The following CRYM variants were observed in gnomAD, a reference collection of about 807,000 sequenced individuals.
The protein encoded by CRYM is ketimine reductase mu-crystallin.
In CRYM, 18 loss-of-function variants were observed where a neutral mutation model predicts 32.9. The ratio of observed to expected loss-of-function variants is 0.55; its 90% CI spans 0.38 to 0.81. CRYM has a LOEUF of 0.81. CRYM is among the 30% of genes least tolerant of loss of function. The pLI is 0.00. For missense variants in CRYM, 337 were observed against 393.5 expected, an observed-to-expected ratio of 0.86 and a Z score of 1.21; for synonymous variants, 153 against 152.4, an observed-to-expected ratio of 1.00 and a Z score of -0.03.
chr16:21,258,675 A>G lies in CRYM; in HGVS notation c.*106T>C, dbSNP rs1171604068. On this transcript the variant is annotated 3_prime_UTR_variant, in exon 8 of 8. Coordinates refer to ENST00000572914, the MANE Select transcript of CRYM (RefSeq NM_001376256.1). ...ATTTAAGGTAAAACATGATAAGCAC[A>G]AAAGGAGAGTTCACTGGGGACTGGA... 9.2e-6 allele frequency: 9 copies of G among 979,692 alleles called. No homozygotes were observed. The highest frequency in any genetic ancestry group is 1.7e-5 in the Admixed American group (1 of 58,556). 60.7% of individuals were successfully genotyped at this position (979,692 alleles called of 1,614,324 possible). A position where few individuals can be genotyped will look rare whatever the true frequency, so the allele number is the denominator to read the frequency against.
Position 21,262,027 on chromosome 16 carries a change from A to C in CRYM, c.795+10T>G. 1 of 1,613,734 alleles carries C rather than the reference A, an allele frequency of 6.2e-7. No homozygotes were observed. Among genetic ancestry groups the C allele is most frequent in the Non-Finnish European group, 8.5e-7 (1 of 1,179,756 alleles). ...GGTGGCAGCCCTGACTGGGGTCAGAAGGGCCTCACCCCTGACAGCAGGACA... is the reference window on the plus strand; with the variant it reads ...GGTGGCAGCCCTGACTGGGGTCAGACGGGCCTCACCCCTGACAGCAGGACA... On this transcript the variant is annotated intron_variant, in intron 6 of 7. Transcript: ENST00000572914.
chr16:21,263,627 C>G (rs949908212), intron 5 of CRYM, among the ~76,000 whole-genome samples: 1 of 152,198 alleles, frequency 6.6e-6, no homozygotes, highest in Admixed American at 6.5e-5. Context: ...AAAACTGGCT[C>G]CGTCCTGGCC....
At chr16:21,302,148 A>G (rs944979147) in intron 1 of CRYM, among the ~76,000 whole-genome samples, 3 of 152,238 alleles carry the variant, frequency 2.0e-5, no homozygotes, top group Admixed American at 2.0e-4. Context: ...TTGGCTATGC[A>G]AAGTGCTTGA....
intron 5 of CRYM, among the ~76,000 whole-genome samples, chr16:21,267,194 T>C: frequency 6.6e-6 from 1 of 151,692 alleles, no homozygotes. Context: ...GCCTCCTGGG[T>C]TCAAGCCATT....
intron 2 of CRYM, among the ~76,000 whole-genome samples, chr16:21,276,315 AC>A (rs551018846): frequency 2.0e-5 from 3 of 152,034 alleles, no homozygotes; most frequent in Admixed American, 2.0e-4. Context: ...CTTGGGTTCT[AC>A]CCCCCTAGGG....
chr16:21,302,157 G>C (rs9926369), intron 1 of CRYM, among the ~76,000 whole-genome samples: 15,202 of 152,296 alleles, frequency 0.1, 890 homozygotes, highest in Non-Finnish European at 0.13. Flanking sequence ...CAAAGTGCTT[G>C]AACGCACTGA....
chr16:21,279,261 T>C (rs2152863541), upstream of CRYM, among the ~76,000 whole-genome samples: 1 of 151,984 alleles, frequency 6.6e-6, no homozygotes, highest in Non-Finnish European at 1.5e-5. Flanking sequence ...GGTAGGGAGG[T>C]GTTGTTATTA....
chr16:21,293,130 A>C (rs975743965), intron 1 of CRYM, among the ~76,000 whole-genome samples: 2 of 152,248 alleles, frequency 1.3e-5, no homozygotes, highest in Admixed American at 1.3e-4. Context: ...TGCCAAAGTA[A>C]TTCAAATGAG....
rs564137213 is a variant in CRYM, at chr16:21,292,462, G to A, written c.-193+10516C>T. Among the ~76,000 whole-genome samples the A allele has an allele frequency of 2.6e-5, 4 of 152,212 alleles. No homozygotes were observed. The South Asian group carries it at 8.3e-4, about 32-fold the overall frequency. On this transcript the variant is annotated intron_variant, in intron 1 of 9. Transcript: ENST00000219599. ...AGAAATATACCTTATTCATGGATCA[G>A]AAGACTCAATATTTTTAAATTGTCA...
Position 21,267,618 on chromosome 16 carries a change from T to C in CRYM, c.609A>G (p.Thr203=), listed in dbSNP as rs140246786. ...EAVAGADVII[T]VTLATEPILF... ...AAATGGGCTCTGTTGCCAGGGTGAC[T>C]GTGATGATCACATCTGCACCTGCCA... The change falls in exon 5 of 8, where the codon ACA becomes ACG. Residue 203 remains threonine, a synonymous_variant. Coordinates refer to ENST00000572914, the MANE Select transcript of CRYM (RefSeq NM_001376256.1). 7 of 1,614,078 alleles carry C rather than the reference T, an allele frequency of 4.3e-6. No individual in the cohort carries two copies. The highest frequency in any genetic ancestry group is 1.7e-5 in the Admixed American group (1 of 60,004).
chr16:21,287,721 G>A (rs778936898), intron 1 of CRYM, among the ~76,000 whole-genome samples: 10 of 152,212 alleles, frequency 6.6e-5, no homozygotes, highest in Non-Finnish European at 8.8e-5. Flanking sequence ...TGAACCCATC[G>A]GTGTGCTGGG....
At chr16:21,262,638 CA>C (rs879343190) in intron 5 of CRYM, among the ~76,000 whole-genome samples, 15 of 151,666 alleles carry the variant, frequency 9.9e-5, no homozygotes, top group Non-Finnish European at 1.9e-4. Flanking sequence ...AACAAACAAA[CA>C]AAAAAAACTA....
intron 3 of CRYM, 89 bp from the exon 4 acceptor site, chr16:21,269,980 T>C: frequency 1.2e-6 from 1 of 864,474 alleles, no homozygotes; most frequent in East Asian, 2.4e-5. Context: ...AGGTGACTTC[T>C]GCCCTCTCTT....
In CRYM at chr16:21,277,617, T is replaced by C; in HGVS notation, c.171-33A>G. 6.2e-7 allele frequency: 1 copy of C among 1,611,908 alleles called. No individual in the cohort carries two copies. Among genetic ancestry groups the C allele is most frequent in the African/African-American group, 1.3e-5 (1 of 74,994 alleles). On this transcript the variant is annotated intron_variant, in intron 1 of 7. Coordinates refer to ENST00000572914, the MANE Select transcript of CRYM (RefSeq NM_001376256.1). The surrounding 1 kb of genome is among the most constrained non-coding windows in gnomAD (Gnocchi z 4.2). Reference sequence around the variant, plus strand: ...GAGAGAGGGAGCAGCTTCAGCCCCTTCCCATCAATGCTGGGGTCTCTTAGA... The same window carrying C: ...GAGAGAGGGAGCAGCTTCAGCCCCTCCCCATCAATGCTGGGGTCTCTTAGA...
intron 1 of CRYM, among the ~76,000 whole-genome samples, chr16:21,299,006 A>G (rs1220972103): frequency 1.3e-5 from 2 of 152,172 alleles, no homozygotes; most frequent in African/African-American, 4.8e-5. Flanking sequence ...CTTTCCTCCT[A>G]CTCCACCAGT....
chr16:21,259,982 C>G (rs1365364712), intron 7 of CRYM, among the ~76,000 whole-genome samples: 1 of 152,210 alleles, frequency 6.6e-6, no homozygotes, highest in Non-Finnish European at 1.5e-5. Flanking sequence ...TTGAAGTTTT[C>G]AGACAAAACT....
intron 1 of CRYM, among the ~76,000 whole-genome samples, chr16:21,291,216 T>G (rs191115513): frequency 6.6e-6 from 1 of 152,206 alleles, no homozygotes; most frequent in African/African-American, 2.4e-5. Flanking sequence ...GCTTGATTCA[T>G]TCCTGCTGGT....
chr16:21,300,183 G>C (rs1960877115), intron 1 of CRYM, among the ~76,000 whole-genome samples: 1 of 152,166 alleles, frequency 6.6e-6, no homozygotes, highest in South Asian at 2.1e-4. Flanking sequence ...TGTCCATCAA[G>C]AGATGGCCTC....
Position 21,298,434 on chromosome 16 carries a change from A to T in CRYM, c.-193+4544T>A, listed in dbSNP as rs57263526. Among the ~76,000 whole-genome samples, 1,513 of 152,360 alleles carry T rather than the reference A, an allele frequency of 9.9e-3. 32 individuals carry two copies. The highest frequency in any genetic ancestry group is 0.074 in the South Asian group (359 of 4,828). On this transcript the variant is annotated intron_variant, in intron 1 of 9. Coordinates refer to the CRYM transcript ENST00000219599. ...CAAATGGGAAATATACAACATTCAT[A>T]TACCAGATTACTGTGCAGAAAGGAA...
Sources: allele counts gnomAD v4.1 joint callset (sites outside exome capture counted in the v4.1 genomes callset), GRCh38; gene constraint gnomAD v4.1.1; non-coding constraint Gnocchi (gnomAD v3.1); transcripts MANE v1.5; gene names NCBI Gene and HGNC (gene_info 2026-07-23, HGNC 2026-07-21).